SND1: variants seen among roughly 807,000 people sequenced by gnomAD.
The protein encoded by SND1 is staphylococcal nuclease domain-containing protein 1.
Under a neutral mutation model 121.7 loss-of-function variants are expected in SND1, and 38 were observed. The observed-to-expected ratio is 0.31, with a 90% CI of 0.24 to 0.41. SND1 has a LOEUF of 0.41. Among genes scored for constraint, SND1 ranks in the 10% least tolerant of loss-of-function variants. The pLI is 1.00. For synonymous variants in SND1, 401 were observed against 447.4 expected (o/e 0.90, Z 1.31); for missense variants, 868 against 1,184.6 (o/e 0.73, Z 3.92).
chr7:127,884,424 T>C (rs1799854722), intron 12 of SND1, among the ~76,000 whole-genome samples: 1 of 152,168 alleles, frequency 6.6e-6, no homozygotes, highest in Non-Finnish European at 1.5e-5. Context: ...TTGAAATCAA[T>C]CACTGCTACT....
chr7:127,934,499 G>A (rs1191898132), intron 15 of SND1, among the ~76,000 whole-genome samples: 6 of 152,152 alleles, frequency 3.9e-5, no homozygotes, highest in Non-Finnish European at 8.8e-5. Flanking sequence ...GAGCAATTAA[G>A]AGGCAAGAGA....
At chr7:127,782,804 G>A (rs1345205643) in intron 10 of SND1, among the ~76,000 whole-genome samples, 1 of 152,174 alleles carries the variant, frequency 6.6e-6, no homozygotes, top group African/African-American at 2.4e-5. Flanking sequence ...AGGGTTGTCT[G>A]CTTCACCACT....
chr7:127,951,229 T>C (rs1197502227), intron 15 of SND1, among the ~76,000 whole-genome samples: 1 of 152,222 alleles, frequency 6.6e-6, no homozygotes, highest in East Asian at 1.9e-4. Flanking sequence ...AATGGAATGT[T>C]ATCTAGCCTT....
At chr7:127,891,276 C>T (rs1563049439) in intron 13 of SND1, among the ~76,000 whole-genome samples, 1 of 152,054 alleles carries the variant, frequency 6.6e-6, no homozygotes, top group Non-Finnish European at 1.5e-5. Flanking sequence ...TGCTCTGTGT[C>T]CAGGCGGGAA....
chr7:127,717,057 A>G (rs73723043), intron 9 of SND1, among the ~76,000 whole-genome samples: 2,593 of 152,304 alleles, frequency 0.017, 92 homozygotes, highest in African/African-American at 0.059. Flanking sequence ...TAAAAATTAA[A>G]TTATTAGAGA....
chr7:127,708,602 C>G (rs561306645), intron 9 of SND1, among the ~76,000 whole-genome samples: 1 of 152,032 alleles, frequency 6.6e-6, no homozygotes, highest in Admixed American at 6.6e-5. Flanking sequence ...CCCGCCCCAC[C>G]GCCCCGAGAG....
intron 10 of SND1, among the ~76,000 whole-genome samples, chr7:127,776,041 A>G (rs1797614670): frequency 6.6e-6 from 1 of 152,180 alleles, no homozygotes; most frequent in Non-Finnish European, 1.5e-5. Context: ...ATTTTTAGAG[A>G]TGATTAAACT....
At chr7:127,898,333 A>G (rs1326105406) in intron 13 of SND1, among the ~76,000 whole-genome samples, 2 of 151,938 alleles carry the variant, frequency 1.3e-5, no homozygotes, top group Non-Finnish European at 2.9e-5. Flanking sequence ...CAGTCTATGC[A>G]CTCTCAATCT....
chr7:127,685,556 CCTT>C (rs1385530668), intron 1 of SND1, among the ~76,000 whole-genome samples: 6 of 152,176 alleles, frequency 3.9e-5, no homozygotes, highest in Admixed American at 3.9e-4. Flanking sequence ...TGTCTTCTTC[CCTT>C]CTTTCACTTG....
chr7:127,766,771 C>CAAAAAACAA (rs1797426544), intron 10 of SND1, among the ~76,000 whole-genome samples: 2 of 33,212 alleles, frequency 6.0e-5, no homozygotes, highest in South Asian at 7.2e-3. Context: ...GACTTTGTCT[C>CAAAAAACAA]AAAAAAAAAA....
chr7:127,704,287 G>T (rs1796152981), intron 7 of SND1, among the ~76,000 whole-genome samples: 1 of 152,178 alleles, frequency 6.6e-6, no homozygotes, highest in South Asian at 2.1e-4. Flanking sequence ...AGGTTGAAAG[G>T]CTTGGTTTGG....
chr7:127,802,927 T>C (rs796167578), intron 10 of SND1, among the ~76,000 whole-genome samples: 20 of 152,356 alleles, frequency 1.3e-4, no homozygotes, highest in African/African-American at 4.3e-4. Flanking sequence ...TGTATCCAGT[T>C]CTGACCACTT....
intron 16 of SND1, among the ~76,000 whole-genome samples, chr7:128,064,258 G>A (rs1421173830): frequency 3.3e-5 from 5 of 152,110 alleles, no homozygotes; most frequent in South Asian, 2.1e-4. Context: ...TAGAGCAAGC[G>A]CAGAAGGAGG....
At chr7:127,842,916 AC>A (rs1798989829) in intron 11 of SND1, among the ~76,000 whole-genome samples, 1 of 152,206 alleles carries the variant, frequency 6.6e-6, no homozygotes, top group Non-Finnish European at 1.5e-5. Context: ...ATTTTTAAAT[AC>A]AGGTTTTCAA....
At chr7:127,823,276 C>T (rs546679204) in intron 11 of SND1, among the ~76,000 whole-genome samples, 1 of 152,270 alleles carries the variant, frequency 6.6e-6, no homozygotes, top group Admixed American at 6.5e-5. Flanking sequence ...TATTGCGTGT[C>T]CCTCTTTAGG....
At chr7:127,660,375 T>C (rs897340652) in intron 1 of SND1, among the ~76,000 whole-genome samples, 2 of 152,188 alleles carry the variant, frequency 1.3e-5, no homozygotes. Flanking sequence ...CTTGCCCTGC[T>C]CTTGACTGGG....
intron 1 of SND1, among the ~76,000 whole-genome samples, chr7:127,653,090 T>G (rs774621662): frequency 1.5e-4 from 23 of 152,236 alleles, no homozygotes; most frequent in Non-Finnish European, 2.5e-4. Flanking sequence ...GGCAAGTGAC[T>G]TGCTTAAGGT....
intron 1 of SND1, among the ~76,000 whole-genome samples, chr7:127,673,536 T>TCAG (rs1396498236): frequency 2.6e-5 from 4 of 152,206 alleles, no homozygotes; most frequent in Non-Finnish European, 5.9e-5. Flanking sequence ...GATCTCCAGC[T>TCAG]CCTGACCTCA....
intron 1 of SND1, among the ~76,000 whole-genome samples, chr7:127,677,746 G>A (rs935297985): frequency 3.9e-5 from 6 of 152,114 alleles, no homozygotes; most frequent in Middle Eastern, 3.2e-3. Flanking sequence ...ATACTCTTTT[G>A]CATGTTACAT....
Sources: allele counts gnomAD v4.1 joint callset (sites outside exome capture counted in the v4.1 genomes callset), GRCh38; gene constraint gnomAD v4.1.1; transcripts MANE v1.5; gene names NCBI Gene and HGNC (gene_info 2026-07-23, HGNC 2026-07-21).